Variants in CSRNP3 observed in about 807,000 individuals in gnomAD.
CSRNP3 encodes cysteine and serine rich nuclear protein 3.
In CSRNP3, 12 loss-of-function variants were observed where a neutral mutation model predicts 48.0. That is an observed-to-expected ratio of 0.25 (90% CI 0.16 to 0.41). CSRNP3 has a LOEUF of 0.41. CSRNP3 is among the 10% of genes least tolerant of loss of function. CSRNP3 has a pLI of 1.00. For missense variants in CSRNP3, 580 were observed against 724.4 expected (o/e 0.80, Z 2.29); for synonymous variants, 263 against 269.7 (o/e 0.98, Z 0.24).
At chr2:165,534,369 G>C (rs2105246484) in intron 3 of CSRNP3, among the ~76,000 whole-genome samples, 1 of 151,858 alleles carries the variant, frequency 6.6e-6, no homozygotes, top group East Asian at 1.9e-4. Context: ...TATTGAATGA[G>C]TTTAAAAAAA....
At chr2:165,612,169 T>G (rs1283388517) in intron 4 of CSRNP3, among the ~76,000 whole-genome samples, 1 of 152,102 alleles carries the variant, frequency 6.6e-6, no homozygotes, top group African/African-American at 2.4e-5. Context: ...TGTTGCATTC[T>G]TGGAAGCCAA....
rs534070042 is a variant in CSRNP3 at position 165,568,472 on chromosome 2, T to C, written c.-23-26571T>C. Among the ~76,000 whole-genome samples, 154 of 152,244 alleles carry C rather than the reference T, an allele frequency of 1.0e-3. 2 individuals carry two copies. In the South Asian group the frequency reaches 0.03, roughly 30 times the overall value. On this transcript the variant is annotated intron_variant, in intron 3 of 6. Transcript: ENST00000651982. Reference sequence around the variant, plus strand: ...CTTTGTTTCTGGGCTTTTCCCAAAGTACCACTTACTACTAGGAACTCCCTT... The same window carrying C: ...CTTTGTTTCTGGGCTTTTCCCAAAGCACCACTTACTACTAGGAACTCCCTT...
chr2:165,670,921 A>G (rs1558969654), intron 5 of CSRNP3, among the ~76,000 whole-genome samples: 1 of 152,190 alleles, frequency 6.6e-6, no homozygotes, highest in Non-Finnish European at 1.5e-5. Flanking sequence ...AAAAGAAAAC[A>G]CTACAGGAGA....
intron 4 of CSRNP3, among the ~76,000 whole-genome samples, chr2:165,635,581 A>C (rs1558957606): frequency 6.6e-6 from 1 of 152,218 alleles, no homozygotes; most frequent in Non-Finnish European, 1.5e-5. Context: ...ATGTTCATGC[A>C]CACAGGACAA....
At chr2:165,505,658 G>A (rs1313824399) in intron 2 of CSRNP3, among the ~76,000 whole-genome samples, 1 of 152,026 alleles carries the variant, frequency 6.6e-6, no homozygotes, top group Admixed American at 6.6e-5. Flanking sequence ...ATCTTAAAAG[G>A]CTGCGAGGAA....
intron 3 of CSRNP3, among the ~76,000 whole-genome samples, 187 bp downstream of exon 3, chr2:165,518,148 A>G (rs2105232396): frequency 6.6e-6 from 1 of 152,098 alleles, no homozygotes; most frequent in East Asian, 1.9e-4. Context: ...TTCATTAGGG[A>G]CAATAAAAAG....
At chr2:165,516,927 C>G (rs1215471144) in intron 2 of CSRNP3, among the ~76,000 whole-genome samples, 1 of 152,064 alleles carries the variant, frequency 6.6e-6, no homozygotes, top group East Asian at 1.9e-4. Flanking sequence ...ATTACAGCAG[C>G]ATAAGTTGCT....
At chr2:165,599,305 G>GAAAGAA (rs1558946082) in intron 4 of CSRNP3, among the ~76,000 whole-genome samples, 17 of 147,782 alleles carry the variant, frequency 1.2e-4, no homozygotes, top group African/African-American at 3.5e-4. Context: ...AAGAAAGAAA[G>GAAAGAA]AAAGAAAGAA....
chr2:165,552,840 G>A, intron 3 of CSRNP3, among the ~76,000 whole-genome samples: 1 of 151,928 alleles, frequency 6.6e-6, no homozygotes, highest in South Asian at 2.1e-4. Context: ...GACTACAGGT[G>A]TGTGCCACCA....
intron 4 of CSRNP3, among the ~76,000 whole-genome samples, chr2:165,606,905 A>G (rs1306433388): frequency 5.3e-5 from 8 of 152,256 alleles, no homozygotes; most frequent in African/African-American, 1.7e-4. Context: ...TGAGGCTTAG[A>G]ACCTCTAGGG....
At chr2:165,616,243 T>C (rs932408084) in intron 4 of CSRNP3, among the ~76,000 whole-genome samples, 1 of 152,206 alleles carries the variant, frequency 6.6e-6, no homozygotes, top group African/African-American at 2.4e-5. Context: ...TTGTGTATAC[T>C]TGGTTCCTTT....
intron 4 of CSRNP3, among the ~76,000 whole-genome samples, chr2:165,611,710 G>A (rs1272328952): frequency 6.6e-6 from 1 of 152,024 alleles, no homozygotes; most frequent in Non-Finnish European, 1.5e-5. Context: ...GATGAAACTG[G>A]AATGTCAAGA....
At chr2:165,585,631 C>CT (rs1319016945) in intron 3 of CSRNP3, among the ~76,000 whole-genome samples, 26 of 152,294 alleles carry the variant, frequency 1.7e-4, no homozygotes, top group South Asian at 1.7e-3. Context: ...AGAACTTTAT[C>CT]ATAGTTTCTT....
At chr2:165,639,677 C>T (rs1686693960) in intron 4 of CSRNP3, among the ~76,000 whole-genome samples, 1 of 152,070 alleles carries the variant, frequency 6.6e-6, no homozygotes, top group Admixed American at 6.6e-5. Context: ...ATACAGCAGA[C>T]AGGGAAATGG....
intron 5 of CSRNP3, among the ~76,000 whole-genome samples, chr2:165,671,003 A>G (rs1344349024): frequency 6.6e-6 from 1 of 152,218 alleles, no homozygotes; most frequent in Non-Finnish European, 1.5e-5. Flanking sequence ...TGGTTATCCT[A>G]TCAACAGACT....
chr2:165,566,930 A>G (rs967704891), intron 3 of CSRNP3: 2 of 152,088 alleles, frequency 1.3e-5, no homozygotes, highest in African/African-American at 4.8e-5. Flanking sequence ...TAATATGCCA[A>G]AGTTGTTTCT....
chr2:165,540,658 C>T (rs1415342146), intron 3 of CSRNP3, among the ~76,000 whole-genome samples: 1 of 69,806 alleles, frequency 1.4e-5, no homozygotes, highest in Non-Finnish European at 2.9e-5. Flanking sequence ...TTTATGGCAC[C>T]AGTTCTTTTT....
At chr2:165,585,496 T>G (rs1292086423) in intron 3 of CSRNP3, among the ~76,000 whole-genome samples, 2 of 152,152 alleles carry the variant, frequency 1.3e-5, no homozygotes. Context: ...TTACGTTCCT[T>G]TCTGAGTAAA....
At chr2:165,528,732 T>C (rs980517122) in intron 3 of CSRNP3, among the ~76,000 whole-genome samples, 1 of 152,220 alleles carries the variant, frequency 6.6e-6, no homozygotes, top group African/African-American at 2.4e-5. Flanking sequence ...TATTATTTCT[T>C]TGTAATATAC....
Sources: gnomAD v4.1 joint callset for allele counts (sites outside exome capture counted in the v4.1 genomes callset) on GRCh38, gnomAD v4.1.1 for gene constraint, MANE v1.5 for transcripts, NCBI Gene and HGNC (gene_info 2026-07-23, HGNC 2026-07-21) for gene names.